Variants in RUNDC3B observed in about 807,000 individuals in gnomAD.
RUNDC3B encodes the protein RUN domain-containing protein 3B.
A neutral mutation model predicts 58.4 loss-of-function variants in RUNDC3B; 33 were observed. The observed-to-expected ratio is 0.56, with a 90% CI of 0.43 to 0.75. RUNDC3B has a LOEUF of 0.75. Among genes scored for constraint, RUNDC3B ranks in the 30% least tolerant of loss-of-function variants. RUNDC3B has a pLI of 0.00. For missense variants in RUNDC3B, 501 were observed against 535.7 expected, an observed-to-expected ratio of 0.94 and a Z score of 0.64; for synonymous variants, 193 against 195.2, an observed-to-expected ratio of 0.99 and a Z score of 0.10.
rs1040488622 is a variant in RUNDC3B, at chr7:87,628,767, G to A, written c.-57G>A. The A allele has an allele frequency of 1.8e-6, 2 of 1,083,954 alleles. No homozygotes were observed. The highest frequency in any genetic ancestry group is 2.4e-6 in the Non-Finnish European group (2 of 839,886). The allele number at this position is 1,083,954 out of a possible 1,614,324, so 67.1% of individuals were successfully genotyped here. Reference sequence around the variant, plus strand: ...GACCGAGCGAGAACCCCCTTAAGCAGGTGTGGGGGGCGTGCGGGGTGGCAC... The same window carrying A: ...GACCGAGCGAGAACCCCCTTAAGCAAGTGTGGGGGGCGTGCGGGGTGGCAC... On this transcript the variant is annotated 5_prime_UTR_variant, in exon 1 of 11. Transcript: ENST00000394654.
At chr7:87,672,625 T>C (rs1302929349) in intron 2 of RUNDC3B, among the ~76,000 whole-genome samples, 2 of 152,200 alleles carry the variant, frequency 1.3e-5, no homozygotes, top group African/African-American at 4.8e-5. Context: ...CTCCAGGGTT[T>C]CCATGCATGT....
In RUNDC3B at chr7:87,714,253, A is replaced by T. The variant is rs955812310; in HGVS notation, c.458+3598A>T. ...TTGAGAAATAATAGACACACACAAG[A>T]TAGTGAAAGCTGGGTCCAGGGGGGT... On this transcript the variant is annotated intron_variant, in intron 4 of 10. Coordinates refer to ENST00000394654, the MANE Select transcript of RUNDC3B (RefSeq NM_001134405.2). Among the ~76,000 whole-genome samples the T allele has an allele frequency of 3.3e-5, 5 of 152,230 alleles. No individual in the cohort carries two copies. In the East Asian group the frequency reaches 5.8e-4, roughly 18 times the overall value.
At chr7:87,735,308 T>C (rs947821347) in intron 4 of RUNDC3B, among the ~76,000 whole-genome samples, 11 of 152,198 alleles carry the variant, frequency 7.2e-5, no homozygotes, top group Admixed American at 2.6e-4. Context: ...CCATGGCTCT[T>C]ACAGTCATCT....
At chr7:87,815,811 TC>T (rs1836996287) in intron 9 of RUNDC3B, among the ~76,000 whole-genome samples, 3 of 152,134 alleles carry the variant, frequency 2.0e-5, no homozygotes, top group Admixed American at 2.0e-4. Flanking sequence ...TTAAGAGTAA[TC>T]TGAAGATTTT....
intron 6 of RUNDC3B, among the ~76,000 whole-genome samples, chr7:87,765,989 A>G (rs998279976): frequency 6.6e-6 from 1 of 152,112 alleles, no homozygotes; most frequent in Non-Finnish European, 1.5e-5. Context: ...TTGGATGCAT[A>G]TATATTTAGA....
At chr7:87,771,731 C>A (rs1472515998) in intron 7 of RUNDC3B, among the ~76,000 whole-genome samples, 1 of 152,142 alleles carries the variant, frequency 6.6e-6, no homozygotes, top group Non-Finnish European at 1.5e-5. Context: ...TTAACACCAA[C>A]AGGGAAACAG....
chr7:87,781,301 G>T (rs181451022), intron 8 of RUNDC3B, among the ~76,000 whole-genome samples: 2 of 143,870 alleles, frequency 1.4e-5, no homozygotes, highest in African/African-American at 2.5e-5. Context: ...CGTTATTGGT[G>T]TATAGAAGTA....
intron 1 of RUNDC3B, among the ~76,000 whole-genome samples, chr7:87,635,555 G>A (rs1055218779): frequency 4.6e-5 from 7 of 152,014 alleles, no homozygotes; most frequent in Non-Finnish European, 5.9e-5. Flanking sequence ...AGATATGTAG[G>A]ACATTGTGAT....
intron 2 of RUNDC3B, among the ~76,000 whole-genome samples, chr7:87,683,144 T>A (rs753843669): frequency 1.3e-5 from 2 of 152,182 alleles, no homozygotes; most frequent in African/African-American, 4.8e-5. Context: ...TTCTGCGGCG[T>A]CTTTGCCTCT....
chr7:87,632,120 A>C (rs1398286370), intron 1 of RUNDC3B, among the ~76,000 whole-genome samples: 1 of 152,136 alleles, frequency 6.6e-6, no homozygotes, highest in Admixed American at 6.5e-5. Flanking sequence ...ACCAAAAAAA[A>C]AAAAAGTCAC....
intron 2 of RUNDC3B, among the ~76,000 whole-genome samples, chr7:87,661,237 A>G (rs1824679438): frequency 6.6e-6 from 1 of 151,976 alleles, no homozygotes; most frequent in Admixed American, 6.6e-5. Flanking sequence ...CATCACTTCA[A>G]GCATTCATTT....
At chr7:87,753,887 C>T (rs767895657) in intron 6 of RUNDC3B, among the ~76,000 whole-genome samples, 2 of 152,062 alleles carry the variant, frequency 1.3e-5, no homozygotes, top group East Asian at 3.9e-4. Flanking sequence ...TCACAGGTAG[C>T]GACTATCTGG....
chr7:87,777,294 C>T (rs1013607283), intron 7 of RUNDC3B, among the ~76,000 whole-genome samples: 2 of 152,294 alleles, frequency 1.3e-5, no homozygotes, highest in African/African-American at 4.8e-5. Context: ...GATGGTGAAA[C>T]TGTGGCACAG....
At chr7:87,814,342 C>T (rs1001627226) in intron 9 of RUNDC3B, among the ~76,000 whole-genome samples, 20 of 152,110 alleles carry the variant, frequency 1.3e-4, no homozygotes, top group East Asian at 3.9e-4. Context: ...TCAGGTGATC[C>T]GCCCGCCTTG....
chr7:87,762,016 A>G (rs906197070), intron 6 of RUNDC3B, among the ~76,000 whole-genome samples: 2 of 151,668 alleles, frequency 1.3e-5, no homozygotes, highest in African/African-American at 2.4e-5. Flanking sequence ...TATATTTTTG[A>G]TGTTTCACCA....
At chr7:87,784,487 G>C (rs760854884) in intron 8 of RUNDC3B, among the ~76,000 whole-genome samples, 3 of 152,026 alleles carry the variant, frequency 2.0e-5, no homozygotes, top group African/African-American at 7.2e-5. Flanking sequence ...AGAGGGCCAA[G>C]GTTCTGTAGG....
chr7:87,725,707 A>G (rs1451013512), intron 4 of RUNDC3B, among the ~76,000 whole-genome samples: 1 of 152,174 alleles, frequency 6.6e-6, no homozygotes, highest in African/African-American at 2.4e-5. Flanking sequence ...CGTCCCACCA[A>G]CAGTGTAAAA....
intron 1 of RUNDC3B, among the ~76,000 whole-genome samples, chr7:87,643,918 G>A (rs1381741651): frequency 2.0e-5 from 3 of 151,862 alleles, no homozygotes; most frequent in Non-Finnish European, 4.4e-5. Flanking sequence ...GAGTGCACTG[G>A]CACCATCTCG....
chr7:87,657,349 G>C (rs1824210986), intron 2 of RUNDC3B, among the ~76,000 whole-genome samples: 1 of 152,116 alleles, frequency 6.6e-6, no homozygotes, highest in Non-Finnish European at 1.5e-5. Flanking sequence ...ACCAGAGAAA[G>C]AACAGCCTAG....
Sources: allele counts gnomAD v4.1 joint callset (sites outside exome capture counted in the v4.1 genomes callset), GRCh38; gene constraint gnomAD v4.1.1; transcripts MANE v1.5; gene names NCBI Gene and HGNC (gene_info 2026-07-23, HGNC 2026-07-21).